Variants in ZNF141 observed in about 807,000 individuals in gnomAD.
The protein encoded by ZNF141 is zinc finger protein 141.
A neutral mutation model predicts 11.3 loss-of-function variants in ZNF141; 7 were observed. That is an observed-to-expected ratio of 0.62 (90% confidence interval 0.35 to 1.16). ZNF141 has a LOEUF of 1.16. Among genes scored for constraint, ZNF141 ranks in the 50% most tolerant of loss-of-function variants. The pLI is 0.02. For synonymous variants in ZNF141, 183 were observed against 190.7 expected, an observed-to-expected ratio of 0.96 and a Z score of 0.33; for missense variants, 535 against 554.0, an observed-to-expected ratio of 0.97 and a Z score of 0.34.
At chr4:357,003 A>G (rs1263533499) in intron 3 of ZNF141, among the ~76,000 whole-genome samples, 2 of 152,082 alleles carry the variant, frequency 1.3e-5, no homozygotes, top group Non-Finnish European at 1.5e-5. Context: ...TACTCAGGCT[A>G]TAGTTCAGTG....
intron 3 of ZNF141, among the ~76,000 whole-genome samples, chr4:351,028 C>T (rs886592938): frequency 2.6e-5 from 4 of 151,396 alleles, no homozygotes; most frequent in Admixed American, 1.3e-4. Flanking sequence ...GGATTACAGG[C>T]GTGAGCCACC....
At chr4:362,695 T>C (rs1711548728) in intron 3 of ZNF141, among the ~76,000 whole-genome samples, 1 of 152,150 alleles carries the variant, frequency 6.6e-6, no homozygotes, top group Non-Finnish European at 1.5e-5. Flanking sequence ...TGTAGATGTG[T>C]GGTATTATTT....
rs57550020 is a variant in ZNF141 at position 356,193 on chromosome 4, C to T, written c.226+11763C>T. On this transcript the variant is annotated intron_variant, in intron 3 of 3. Coordinates refer to ENST00000240499, the MANE Select transcript of ZNF141 (RefSeq NM_003441.4). ...TTGCAGTGAGCCGAGATCATGCCAC[C>T]GCACTCCAGCCTGGGTGACACAGCA... Among the ~76,000 whole-genome samples, 6 of 149,326 alleles carry T rather than the reference C, an allele frequency of 4.0e-5. No homozygotes were observed. The South Asian group carries it at 8.6e-4, about 21-fold the overall frequency.
At chr4:344,862 G>T (rs1222958524) in intron 3 of ZNF141, among the ~76,000 whole-genome samples, 2 of 152,124 alleles carry the variant, frequency 1.3e-5, no homozygotes, top group Non-Finnish European at 2.9e-5. Context: ...AATAATTTCT[G>T]AAAAAGCTGC....
intron 1 of ZNF141, chr4:343,106 T>C (rs1553848775): frequency 1.7e-6 from 1 of 588,690 alleles, no homozygotes. Flanking sequence ...AGTCCTTATG[T>C]TTTAAAATCA....
In ZNF141 at chr4:381,238, A is replaced by G. The variant is rs1462260765; in HGVS notation, c.*7376A>G. Among the ~76,000 whole-genome samples, 1 of 152,030 alleles carries G rather than the reference A, an allele frequency of 6.6e-6. No individual in the cohort carries two copies. Among genetic ancestry groups the G allele is most frequent in the Non-Finnish European group, 1.5e-5 (1 of 68,026 alleles). Reference sequence around the variant, plus strand: ...TCTCAGTTTTGCCTAAATGCTACCAATTATCTTACACTGGCTCCCCAAATA... The same window carrying G: ...TCTCAGTTTTGCCTAAATGCTACCAGTTATCTTACACTGGCTCCCCAAATA... On this transcript the variant is annotated 3_prime_UTR_variant, in exon 4 of 4. Coordinates refer to ENST00000240499, the MANE Select transcript of ZNF141 (RefSeq NM_003441.4).
intron 3 of ZNF141, among the ~76,000 whole-genome samples, chr4:363,614 C>T (rs976062655): frequency 2.6e-5 from 4 of 152,036 alleles, no homozygotes; most frequent in Admixed American, 6.6e-5. Context: ...AACAACTAGC[C>T]GGGTGTGGTG....
intron 3 of ZNF141, among the ~76,000 whole-genome samples, chr4:347,992 G>A (rs955494689): frequency 6.6e-5 from 10 of 151,404 alleles, no homozygotes; most frequent in African/African-American, 2.4e-4. Flanking sequence ...TTACAGGCAC[G>A]TGCCACCATG....
intron 1 of ZNF141, among the ~76,000 whole-genome samples, chr4:340,978 C>A (rs1721018070): frequency 6.6e-6 from 1 of 152,096 alleles, no homozygotes; most frequent in Non-Finnish European, 1.5e-5. Context: ...CTTTATAGTC[C>A]AGGGTTGCAA....
rs184837849 is a variant in ZNF141, at chr4:384,852, C to T, written c.*10990C>T. 3.3e-5 allele frequency: 5 copies of T among 152,358 alleles called. No homozygotes were observed. The highest frequency in any genetic ancestry group is 6.5e-5 in the Admixed American group (1 of 15,304). The allele number at this position is 152,358 out of a possible 1,614,324, so 9.4% of individuals were successfully genotyped here. On this transcript the variant is annotated 3_prime_UTR_variant, in exon 4 of 4. Coordinates refer to ENST00000240499, the MANE Select transcript of ZNF141 (RefSeq NM_003441.4). ...GAGCTTTCCTTTTGCTTAATAAATC[C>T]TATTCTGCTTTATTCACTCTCTGAT...
At chr4:363,419 G>C (rs542153281) in intron 3 of ZNF141, among the ~76,000 whole-genome samples, 85 of 152,286 alleles carry the variant, frequency 5.6e-4, no homozygotes, top group Non-Finnish European at 9.9e-4. Context: ...TGTTGAATAG[G>C]AGTGGTGAGA....
At chr4:339,238 C>T (rs1720937219) in intron 1 of ZNF141, among the ~76,000 whole-genome samples, 1 of 152,210 alleles carries the variant, frequency 6.6e-6, no homozygotes, top group Non-Finnish European at 1.5e-5. Context: ...AGATCTGTAG[C>T]AGGAATCTGT....
Position 382,371 on chromosome 4 carries a change from A to G in ZNF141, c.*8509A>G, listed in dbSNP as rs1553855825. Among the ~76,000 whole-genome samples, 1 of 152,182 alleles carries G rather than the reference A, an allele frequency of 6.6e-6. No individual in the cohort carries two copies. Among genetic ancestry groups the G allele is most frequent in the Non-Finnish European group, 1.5e-5 (1 of 68,030 alleles). Reference sequence around the variant, plus strand: ...TGCTGGTTGGCTAAATTGCACTGGGAAAAAATAGCAGCAGCCCTATTGCTA... The same window carrying G: ...TGCTGGTTGGCTAAATTGCACTGGGGAAAAATAGCAGCAGCCCTATTGCTA... On this transcript the variant is annotated 3_prime_UTR_variant, in exon 4 of 4. Coordinates refer to ENST00000240499, the MANE Select transcript of ZNF141 (RefSeq NM_003441.4).
chr4:384,845 A>G lies in ZNF141; in HGVS notation c.*10983A>G, dbSNP rs1244943733. 6.6e-6 allele frequency: 1 copy of G among 152,264 alleles called. No individual in the cohort carries two copies. The highest frequency in any genetic ancestry group is 2.4e-5 in the African/African-American group (1 of 41,454). The allele number at this position is 152,264 out of a possible 1,614,324, so 9.4% of individuals were successfully genotyped here. A position where few individuals can be genotyped will look rare whatever the true frequency, so the allele number is the denominator to read the frequency against. On this transcript the variant is annotated 3_prime_UTR_variant, in exon 4 of 4. Coordinates refer to ENST00000240499, the MANE Select transcript of ZNF141 (RefSeq NM_003441.4). Reference sequence around the variant, plus strand: ...CTGCTGAGAGCTTTCCTTTTGCTTAATAAATCCTATTCTGCTTTATTCACT... The same window carrying G: ...CTGCTGAGAGCTTTCCTTTTGCTTAGTAAATCCTATTCTGCTTTATTCACT...
rs990960437 is a variant in ZNF141 at position 379,838 on chromosome 4, A to G, written c.*5976A>G. ...CCTGTAGAATATGGTGTTTTGTAGT[A>G]TATATACATTGTCAAAAGCTTAATT... is the stretch of plus-strand genomic sequence containing the variant. On this transcript the variant is annotated 3_prime_UTR_variant, in exon 4 of 4. Coordinates refer to ENST00000240499, the MANE Select transcript of ZNF141 (RefSeq NM_003441.4). 6.6e-6 allele frequency among the ~76,000 whole-genome samples: 1 copy of G among 152,246 alleles called. No individual in the cohort carries two copies. The highest frequency in any genetic ancestry group is 1.5e-5 in the Non-Finnish European group (1 of 68,032).
At chr4:353,159 G>A (rs1162343684) in intron 3 of ZNF141, among the ~76,000 whole-genome samples, 1 of 152,094 alleles carries the variant, frequency 6.6e-6, no homozygotes, top group African/African-American at 2.4e-5. Context: ...GATGGCTTGA[G>A]GTCAGGAATT....
At chr4:355,240 A>C (rs936765582) in intron 3 of ZNF141, among the ~76,000 whole-genome samples, 1 of 151,506 alleles carries the variant, frequency 6.6e-6, no homozygotes, top group African/African-American at 2.4e-5. Context: ...CCCAGGCTGG[A>C]GTGCAGTGGT....
intron 3 of ZNF141, among the ~76,000 whole-genome samples, chr4:357,047 G>T (rs1721875876): frequency 6.6e-6 from 1 of 152,078 alleles, no homozygotes; most frequent in South Asian, 2.1e-4. Flanking sequence ...CTCAACCTTT[G>T]TGGGCTCAAG....
At position 373,628 on chromosome 4, in the gene ZNF141, T is replaced by C. The variant is rs1553854066; in HGVS notation, c.1191T>C (p.Cys397=). 2 of 1,614,148 alleles carry C rather than the reference T, an allele frequency of 1.2e-6. No homozygotes were observed. Among genetic ancestry groups the C allele is most frequent in the South Asian group, 2.2e-5 (2 of 91,080 alleles). ...KIHTGEKPYK[C]EECGKAFRRS... ...ATACTGGAGAGAAACCCTACAAATG[T>C]GAAGAATGTGGCAAAGCCTTTAGAC... The change falls in exon 4 of 4, where the codon TGT becomes TGC. Residue 397 remains cysteine (C), a synonymous_variant. Transcript: ENST00000240499.
Sources: gnomAD v4.1 joint callset for allele counts (sites outside exome capture counted in the v4.1 genomes callset) on GRCh38, gnomAD v4.1.1 for gene constraint, MANE v1.5 for transcripts, NCBI Gene and HGNC (gene_info 2026-07-23, HGNC 2026-07-21) for gene names.